Variants in TTLL1 observed in about 807,000 individuals in gnomAD.
The protein encoded by TTLL1 is TTL family tubulin polyglutamylase complex subunit L1.
In TTLL1, 33 loss-of-function variants were observed where a neutral mutation model predicts 47.8. That is an observed-to-expected ratio of 0.69 (90% CI 0.52 to 0.92). The LOEUF is 0.92. Ranked by LOEUF, TTLL1 falls within the 40% of genes least tolerant of loss-of-function variation. The pLI is 0.00. For synonymous variants in TTLL1, 225 were observed against 214.1 expected, an observed-to-expected ratio of 1.05 and a Z score of -0.45; for missense variants, 488 against 547.5, an observed-to-expected ratio of 0.89 and a Z score of 1.08.
chr22:43,042,590 C>T (rs998545602), intron 10 of TTLL1, among the ~76,000 whole-genome samples: 3 of 152,214 alleles, frequency 2.0e-5, no homozygotes, highest in East Asian at 1.9e-4. Flanking sequence ...TGACCTCATG[C>T]GGCCAGTGTC....
chr22:43,042,663 C>T (rs1383410475), intron 10 of TTLL1, among the ~76,000 whole-genome samples: 4 of 152,164 alleles, frequency 2.6e-5, no homozygotes, highest in African/African-American at 4.8e-5. Context: ...CTGGCATGGA[C>T]GGGCGGCGCC....
At chr22:43,075,030 G>A (rs1049026049) in intron 3 of TTLL1, among the ~76,000 whole-genome samples, 2 of 152,046 alleles carry the variant, frequency 1.3e-5, no homozygotes, top group African/African-American at 4.8e-5. Context: ...TTAGCCAGGT[G>A]TGGTGGCGCC....
intron 8 of TTLL1, 57 bp downstream of exon 8, chr22:43,059,327 C>A (rs1005100551): frequency 3.2e-6 from 5 of 1,560,704 alleles, no homozygotes; most frequent in Non-Finnish European, 4.3e-6. Flanking sequence ...AGACAGCAAG[C>A]CCCCCCACTC....
At chr22:43,069,573 C>T (rs71329177) in intron 4 of TTLL1, 63 bp downstream of exon 4, 17 of 1,605,358 alleles carry the variant, frequency 1.1e-5, no homozygotes, top group Admixed American at 6.7e-5. Flanking sequence ...CTCAGCGCCT[C>T]GCGCCCCAAA....
At chr22:43,065,623 C>T (rs1047471010) in intron 5 of TTLL1, among the ~76,000 whole-genome samples, 1 of 151,838 alleles carries the variant, frequency 6.6e-6, no homozygotes, top group Non-Finnish European at 1.5e-5. Flanking sequence ...TGCTGTGTTG[C>T]CCAGGCTGGA....
rs1396912228 is a variant in TTLL1, at chr22:43,070,306, A to G, written c.114-462T>C. 7 of 862,106 alleles carry G rather than the reference A, an allele frequency of 8.1e-6. No individual in the cohort carries two copies. In the Admixed American group the frequency reaches 1.5e-4, roughly 18 times the overall value. The allele number at this position is 862,106 out of a possible 1,614,324, so 53.4% of individuals were successfully genotyped here. ...GAGTCAGTATTTGATATTCTTGGAG[A>G]GTCTGCTGAAGGGGCAAGTTGGGGA... is the stretch of plus-strand genomic sequence containing the variant. On this transcript the variant is annotated intron_variant, in intron 3 of 10. Transcript: ENST00000266254.
intron 10 of TTLL1, among the ~76,000 whole-genome samples, chr22:43,041,549 C>T (rs561913811): frequency 4.2e-4 from 20 of 47,090 alleles, no homozygotes; most frequent in African/African-American, 2.5e-3. Flanking sequence ...TTTTTTTAAA[C>T]GGTCACCCAG....
chr22:43,066,941 T>C (rs1927776972), intron 5 of TTLL1, among the ~76,000 whole-genome samples: 1 of 151,912 alleles, frequency 6.6e-6, no homozygotes, highest in African/African-American at 2.4e-5. Flanking sequence ...TGAGCTGAGA[T>C]TGTACCACTG....
chr22:43,080,343 C>T (rs974478930), intron 1 of TTLL1, among the ~76,000 whole-genome samples: 2 of 152,144 alleles, frequency 1.3e-5, no homozygotes, highest in African/African-American at 4.8e-5. Context: ...GCGTGAGCCA[C>T]CGCGCCTGGC....
chr22:43,081,100 G>C (rs946137936), intron 1 of TTLL1, among the ~76,000 whole-genome samples: 3 of 151,528 alleles, frequency 2.0e-5, no homozygotes, highest in African/African-American at 7.3e-5. Context: ...ATTTTTAGTA[G>C]AGACAGGGTT....
intron 8 of TTLL1, among the ~76,000 whole-genome samples, chr22:43,053,538 G>A (rs1926790993): frequency 6.6e-6 from 1 of 152,140 alleles, no homozygotes; most frequent in African/African-American, 2.4e-5. Context: ...TGCCTGCATT[G>A]CGTAGCTCTC....
At chr22:43,074,125 C>T (rs1428805748) in intron 3 of TTLL1, among the ~76,000 whole-genome samples, 1 of 151,752 alleles carries the variant, frequency 6.6e-6, no homozygotes, top group Non-Finnish European at 1.5e-5. Flanking sequence ...AACAAGAGCT[C>T]TCAAAATATC....
At chr22:43,052,667 C>T (rs768320994) in intron 8 of TTLL1, among the ~76,000 whole-genome samples, 6 of 152,012 alleles carry the variant, frequency 3.9e-5, no homozygotes, top group Non-Finnish European at 7.4e-5. Flanking sequence ...AGAGGAGTGC[C>T]GTGAGGAGTG....
intron 1 of TTLL1, among the ~76,000 whole-genome samples, chr22:43,081,740 G>A (rs984172746): frequency 9.9e-5 from 15 of 151,690 alleles, no homozygotes; most frequent in Non-Finnish European, 2.1e-4. Context: ...TAGAGATGGG[G>A]GTTTCACCAT....
At chr22:43,051,078 C>T (rs1926583811) in intron 9 of TTLL1, among the ~76,000 whole-genome samples, 1 of 152,224 alleles carries the variant, frequency 6.6e-6, no homozygotes, top group Non-Finnish European at 1.5e-5. Flanking sequence ...CCCAAGCCAT[C>T]CACTGGCAAA....
At chr22:43,048,615 G>A (rs181732218) in intron 9 of TTLL1, among the ~76,000 whole-genome samples, 46 of 151,586 alleles carry the variant, frequency 3.0e-4, no homozygotes, top group African/African-American at 1.1e-3. Context: ...CTCCAGCCTG[G>A]AACACAGAGC....
At chr22:43,068,352 C>G (rs1279397389) in intron 5 of TTLL1, 58 bp downstream of exon 5, 5 of 1,353,658 alleles carry the variant, frequency 3.7e-6, no homozygotes, top group Non-Finnish European at 4.9e-6. Flanking sequence ...AGACTGCGAA[C>G]AGCATAAAAC....
At chr22:43,046,004 T>C (rs143011831) in intron 10 of TTLL1, among the ~76,000 whole-genome samples, 1 of 152,084 alleles carries the variant, frequency 6.6e-6, no homozygotes. Flanking sequence ...GAGAATCACT[T>C]GAGGTCAGGA....
At chr22:43,075,444 A>G in intron 3 of TTLL1, 30 bp downstream of exon 3, 6 of 1,596,214 alleles carry the variant, frequency 3.8e-6, no homozygotes, top group Non-Finnish European at 5.2e-6. Flanking sequence ...AGCCTCAGAG[A>G]AACAACCCAG....
Sources: allele counts gnomAD v4.1 joint callset (sites outside exome capture counted in the v4.1 genomes callset), GRCh38; gene constraint gnomAD v4.1.1; transcripts MANE v1.5; gene names NCBI Gene and HGNC (gene_info 2026-07-23, HGNC 2026-07-21).